The following ZNF292 variants were observed in gnomAD, a reference collection of about 807,000 sequenced individuals.
The protein encoded by ZNF292 is zinc finger protein 292, also known as 16 zinc-finger domain protein.
Under a neutral mutation model 217.9 loss-of-function variants are expected in ZNF292, and 26 were observed. The ratio of observed to expected loss-of-function variants is 0.12; its 90% CI spans 0.09 to 0.17. The LOEUF (loss-of-function observed/expected upper bound fraction) is 0.17, where lower values mean the gene tolerates loss of function less well. ZNF292 is among the 10% of genes least tolerant of loss of function. The probability of loss-of-function intolerance (pLI) is 1.00; values close to 1 mark genes in which losing one functional copy is unlikely to be tolerated. For missense variants in ZNF292, 2,904 were observed against 3,175.2 expected, an observed-to-expected ratio of 0.91 and a Z score of 2.05; for synonymous variants, 1,257 against 1,124.1, an observed-to-expected ratio of 1.12 and a Z score of -2.37.
chr6:87,237,034 T>C (rs2127828968), intron 5 of ZNF292, among the ~76,000 whole-genome samples: 1 of 152,280 alleles, frequency 6.6e-6, no homozygotes, highest in South Asian at 2.1e-4. Context: ...GTTCAAACTA[T>C]CCTCCAGAAA....
At position 87,155,600 on chromosome 6, in the gene ZNF292, C is replaced by T; in HGVS notation, c.9C>T (p.Asp3=). 4 of 1,579,534 alleles carry T rather than the reference C, an allele frequency of 2.5e-6. No homozygotes were observed. The highest frequency in any genetic ancestry group is 3.4e-6 in the Non-Finnish European group (4 of 1,163,766). The change falls in exon 1 of 8, where the codon GAC becomes GAT. Residue 3 remains aspartate, a synonymous_variant. Coordinates refer to ENST00000369577, the MANE Select transcript of ZNF292 (RefSeq NM_015021.3). MA[D]EEAEQERLSC... is the part of the protein sequence containing the mutation. ...CGGAGCGGGGTGTGAAGATGGCGGA[C>T]GAAGAGGCCGAGCAGGAGAGGTTGA...
intron 1 of ZNF292, among the ~76,000 whole-genome samples, chr6:87,206,629 A>G (rs1772262375): frequency 1.3e-5 from 2 of 152,188 alleles, no homozygotes; most frequent in Non-Finnish European, 2.9e-5. Flanking sequence ...TACAATATAT[A>G]TTTAAATTTC....
rs143909699 is a variant in ZNF292 at position 87,205,752 on chromosome 6, C to T, written c.169-10151C>T. On this transcript the variant is annotated intron_variant, in intron 1 of 7. Coordinates refer to ENST00000369577, the MANE Select transcript of ZNF292 (RefSeq NM_015021.3). ...TTTGTTGACCCTCTCTGTGTGTTTTCTTATTTTTTTAAACATCCTCACCAC... is the reference window on the plus strand; with the variant it reads ...TTTGTTGACCCTCTCTGTGTGTTTTTTTATTTTTTTAAACATCCTCACCAC... Among the ~76,000 whole-genome samples the T allele has an allele frequency of 7.1e-3, 1,075 of 151,954 alleles. 18 individuals carry two copies. Among genetic ancestry groups the T allele is most frequent in the African/African-American group, 0.024 (975 of 41,458 alleles).
At chr6:87,254,556 G>T in intron 7 of ZNF292, 94 bp from the exon 8 acceptor site, 1 of 1,259,302 alleles carries the variant, frequency 7.9e-7, no homozygotes, top group South Asian at 1.5e-5. Flanking sequence ...TGCAAGATTT[G>T]AGTAAAACAA....
intron 1 of ZNF292, among the ~76,000 whole-genome samples, chr6:87,207,709 TGTGTTTATCAC>T (rs1456545805): frequency 1.3e-5 from 2 of 152,220 alleles, no homozygotes; most frequent in Admixed American, 1.3e-4. Context: ...TAATTTTCTG[TGTGTTTATCAC>T]CAATTCAATC....
At chr6:87,240,439 TCAGA>T (rs1471242797) in intron 5 of ZNF292, among the ~76,000 whole-genome samples, 1 of 152,180 alleles carries the variant, frequency 6.6e-6, no homozygotes, top group Non-Finnish European at 1.5e-5. Flanking sequence ...TATTTTTTCT[TCAGA>T]CAGAGTTTTG....
intron 1 of ZNF292, among the ~76,000 whole-genome samples, chr6:87,163,135 TAAG>T (rs2127769652): frequency 6.6e-6 from 1 of 152,242 alleles, no homozygotes; most frequent in South Asian, 2.1e-4. Context: ...TATGTTCAGC[TAAG>T]AAGATTTGTT....
In ZNF292 at chr6:87,265,034, G is replaced by A. The variant is rs1775767278; in HGVS notation, c.*3233G>A. ...CATGTTTATTGTAGTGAGATACTAG[G>A]CAGGTGGAAGGTTATTGCTGTGATG... is the stretch of plus-strand genomic sequence containing the variant. On this transcript the variant is annotated 3_prime_UTR_variant, in exon 8 of 8. Transcript: ENST00000369577. 6.6e-6 allele frequency among the ~76,000 whole-genome samples: 1 copy of A among 152,140 alleles called. No homozygotes were observed.
chr6:87,222,213 AT>A (rs1773117098), intron 4 of ZNF292, among the ~76,000 whole-genome samples: 1 of 152,050 alleles, frequency 6.6e-6, no homozygotes, highest in South Asian at 2.1e-4. Flanking sequence ...CATATACCAT[AT>A]TGGCATCCAG....
chr6:87,189,442 G>A (rs9450630), intron 1 of ZNF292, among the ~76,000 whole-genome samples: 60,629 of 151,166 alleles, frequency 0.4, 12,499 homozygotes, highest in Admixed American at 0.53. Flanking sequence ...GATCTCCTTA[G>A]GTTTTTCTTA....
intron 1 of ZNF292, among the ~76,000 whole-genome samples, chr6:87,204,805 C>T (rs1284386576): frequency 6.6e-6 from 1 of 151,954 alleles, no homozygotes; most frequent in Non-Finnish European, 1.5e-5. Context: ...CTCAGGCAGT[C>T]TCCCTGCCTC....
chr6:87,185,706 C>G (rs910625912), intron 1 of ZNF292, among the ~76,000 whole-genome samples: 2 of 152,092 alleles, frequency 1.3e-5, no homozygotes, highest in African/African-American at 4.8e-5. Context: ...TGAGCTCAAG[C>G]GATCTACCCA....
chr6:87,184,934 C>T (rs974479580), intron 1 of ZNF292, among the ~76,000 whole-genome samples: 1 of 152,226 alleles, frequency 6.6e-6, no homozygotes, highest in African/African-American at 2.4e-5. Flanking sequence ...TGTATTTGCT[C>T]TCTTGGCTTC....
chr6:87,252,638 C>G (rs753279649), intron 7 of ZNF292, among the ~76,000 whole-genome samples: 119 of 152,254 alleles, frequency 7.8e-4, no homozygotes, highest in Non-Finnish European at 1.5e-3. Context: ...AGACTTCTTT[C>G]TTTGTGTCTT....
At chr6:87,229,552 G>A (rs1234327876) in intron 4 of ZNF292, among the ~76,000 whole-genome samples, 2 of 152,026 alleles carry the variant, frequency 1.3e-5, no homozygotes, top group East Asian at 3.9e-4. Context: ...TCAGCCTCCC[G>A]AGTAGCTGGG....
chr6:87,157,750 G>A (rs1770593961), intron 1 of ZNF292, among the ~76,000 whole-genome samples: 1 of 152,086 alleles, frequency 6.6e-6, no homozygotes, highest in Admixed American at 6.6e-5. Flanking sequence ...GTGCAGTGGT[G>A]CGATCTCAGC....
At chr6:87,197,403 C>G (rs1040182743) in intron 1 of ZNF292, among the ~76,000 whole-genome samples, 61 of 146,244 alleles carry the variant, frequency 4.2e-4, no homozygotes, top group African/African-American at 1.5e-3. Context: ...TTGAGAATAT[C>G]AGATTTTTAA....
At chr6:87,225,382 C>A (rs184620153) in intron 4 of ZNF292, among the ~76,000 whole-genome samples, 1 of 152,240 alleles carries the variant, frequency 6.6e-6, no homozygotes, top group African/African-American at 2.4e-5. Flanking sequence ...TAAAGTCCTA[C>A]TTCCCAGTTT....
rs1440563887 is a variant in ZNF292 at position 87,263,638 on chromosome 6, G to C, written c.*1837G>C. 7.2e-5 allele frequency: 11 copies of C among 151,912 alleles called. No homozygotes were observed. The highest frequency in any genetic ancestry group is 1.2e-4 in the Non-Finnish European group (8 of 67,950). 9.4% of individuals were successfully genotyped at this position (151,912 alleles called of 1,614,324 possible). Reference sequence around the variant, plus strand: ...TGACACGTTAAAATCCCTGCCCTTTGGTGAGCCCACTGTTATTTATTAAAA... The same window carrying C: ...TGACACGTTAAAATCCCTGCCCTTTCGTGAGCCCACTGTTATTTATTAAAA... On this transcript the variant is annotated 3_prime_UTR_variant, in exon 8 of 8. Transcript: ENST00000369577.
Sources: allele counts gnomAD v4.1 joint callset (sites outside exome capture counted in the v4.1 genomes callset), GRCh38; gene constraint gnomAD v4.1.1; transcripts MANE v1.5; gene names NCBI Gene and HGNC (gene_info 2026-07-23, HGNC 2026-07-21).